The following LINGO2 variants were observed in gnomAD, a reference collection of about 807,000 sequenced individuals.
LINGO2 encodes the protein leucine rich repeat and Ig domain containing 2.
In LINGO2, 14 loss-of-function variants were observed where a neutral mutation model predicts 30.6. That is an observed-to-expected ratio of 0.46 (90% CI 0.30 to 0.72). The LOEUF is 0.72. Ranked by LOEUF, LINGO2 falls within the 30% of genes least tolerant of loss-of-function variation. The pLI is 0.07. For synonymous variants in LINGO2, 317 were observed against 288.5 expected (o/e 1.10, Z -1.00); for missense variants, 729 against 751.7 (o/e 0.97, Z 0.35).
At chr9:28,444,064 C>T (rs1824308696) in intron 2 of LINGO2, among the ~76,000 whole-genome samples, 1 of 152,178 alleles carries the variant, frequency 6.6e-6, no homozygotes, top group African/African-American at 2.4e-5. Flanking sequence ...AAGCTACCAA[C>T]TTTGGGTGTC....
chr9:28,282,589 T>G (rs575329368), intron 4 of LINGO2, among the ~76,000 whole-genome samples: 2 of 152,126 alleles, frequency 1.3e-5, no homozygotes, highest in Non-Finnish European at 2.9e-5. Flanking sequence ...AAAAGTATCA[T>G]AAGTTATCTT....
the LINGO2 span, among the ~76,000 whole-genome samples, chr9:28,959,446 A>G: frequency 6.6e-6 from 1 of 152,108 alleles, no homozygotes; most frequent in Admixed American, 6.6e-5. Flanking sequence ...GGAGTAAATT[A>G]AAGGAAGATG....
the LINGO2 span, among the ~76,000 whole-genome samples, chr9:29,189,453 G>T: frequency 4.6e-5 from 7 of 151,692 alleles, no homozygotes; most frequent in African/African-American, 1.7e-4. Flanking sequence ...CCTCCCAGAC[G>T]GGGTCGCGCC....
the LINGO2 span, among the ~76,000 whole-genome samples, chr9:28,997,822 C>CAA: frequency 7.0e-4 from 104 of 147,866 alleles, no homozygotes; most frequent in Middle Eastern, 3.5e-3. Flanking sequence ...GACTCTGTCT[C>CAA]AAAAAAAAAC....
At chr9:28,191,182 G>A (rs1383319638) in intron 4 of LINGO2, among the ~76,000 whole-genome samples, 1 of 152,098 alleles carries the variant, frequency 6.6e-6, no homozygotes, top group Non-Finnish European at 1.5e-5. Context: ...AGGCAAGCTG[G>A]GCTTTCTGAC....
At chr9:28,628,837 G>A (rs898631119) in intron 1 of LINGO2, among the ~76,000 whole-genome samples, 6 of 152,028 alleles carry the variant, frequency 3.9e-5, no homozygotes, top group African/African-American at 1.2e-4. Flanking sequence ...TGTACTAATA[G>A]CTGAAAGTGT....
the LINGO2 span, among the ~76,000 whole-genome samples, chr9:28,975,776 T>A: frequency 2.0e-5 from 3 of 152,200 alleles, no homozygotes; most frequent in Non-Finnish European, 1.5e-5. Flanking sequence ...CACAAATTGA[T>A]AATCTAAAGA....
the LINGO2 span, among the ~76,000 whole-genome samples, chr9:29,147,011 C>A: frequency 1.4e-4 from 22 of 152,128 alleles, no homozygotes; most frequent in African/African-American, 4.3e-4. Flanking sequence ...ATAATTTTCA[C>A]GTTAAACACG....
the LINGO2 span, among the ~76,000 whole-genome samples, chr9:28,698,656 A>ACAAT: frequency 6.6e-6 from 1 of 151,886 alleles, no homozygotes; most frequent in Non-Finnish European, 1.5e-5. Flanking sequence ...GAGGACTTTC[A>ACAAT]GGTTAGTTTC....
chr9:28,560,819 A>C (rs886398459), intron 1 of LINGO2, among the ~76,000 whole-genome samples: 14 of 151,858 alleles, frequency 9.2e-5, no homozygotes, highest in African/African-American at 3.1e-4. Flanking sequence ...GGTGCACACC[A>C]CCATGCTTGG....
chr9:28,673,467 G>A (rs907753919), upstream of LINGO2, among the ~76,000 whole-genome samples: 1 of 152,074 alleles, frequency 6.6e-6, no homozygotes, highest in African/African-American at 2.4e-5. Flanking sequence ...AGCAGTTTGA[G>A]ACCAGCCTGG....
At chr9:28,934,615 G>A in the LINGO2 span, among the ~76,000 whole-genome samples, 1 of 152,076 alleles carries the variant, frequency 6.6e-6, no homozygotes, top group East Asian at 1.9e-4. Context: ...CTATTTGGTA[G>A]GTCAATGTAC....
chr9:28,619,909 G>T (rs1049694601), intron 1 of LINGO2, among the ~76,000 whole-genome samples: 1 of 151,380 alleles, frequency 6.6e-6, no homozygotes, highest in Admixed American at 6.6e-5. Context: ...CCATAAATTG[G>T]CAACAAAAAC....
chr9:28,273,141 A>T (rs1236995670), intron 4 of LINGO2, among the ~76,000 whole-genome samples: 1 of 152,236 alleles, frequency 6.6e-6, no homozygotes, highest in Non-Finnish European at 1.5e-5. Flanking sequence ...AAAACCACAT[A>T]GTTCCTCATA....
chr9:28,361,400 C>T (rs1820437711), intron 3 of LINGO2, among the ~76,000 whole-genome samples: 1 of 152,150 alleles, frequency 6.6e-6, no homozygotes, highest in Admixed American at 6.6e-5. Flanking sequence ...GGTCTTAGAA[C>T]ACATCTCTTG....
chr9:28,179,938 T>C lies in LINGO2; in HGVS notation c.-87+115270A>G, dbSNP rs1564022679. ...TCAAATAATTCTTCAGATAAACCTC[T>C]GAAGTGAATTATCTGTTTTCCTCTT... On this transcript the variant is annotated intron_variant, in intron 4 of 5. Transcript: ENST00000379992. Among the ~76,000 whole-genome samples the C allele has an allele frequency of 2.0e-5, 3 of 152,166 alleles. No homozygotes were observed. The East Asian group carries it at 5.8e-4, about 29-fold the overall frequency.
intron 3 of LINGO2, among the ~76,000 whole-genome samples, chr9:28,360,114 A>G (rs2134501325): frequency 6.6e-6 from 1 of 152,346 alleles, no homozygotes; most frequent in South Asian, 2.1e-4. Context: ...AATTCTTAGT[A>G]TATGGTATGA....
chr9:28,630,926 A>G (rs1016849337), intron 1 of LINGO2, among the ~76,000 whole-genome samples: 10 of 151,822 alleles, frequency 6.6e-5, no homozygotes, highest in Non-Finnish European at 1.0e-4. Flanking sequence ...AGAGCATAAA[A>G]TATTCACCCC....
the LINGO2 span, among the ~76,000 whole-genome samples, chr9:28,880,218 AAGAG>A: frequency 1.8e-4 from 27 of 152,142 alleles, no homozygotes; most frequent in Admixed American, 1.5e-3. Context: ...AGGGAAAAGA[AAGAG>A]AGATCTGACT....
Sources: allele counts gnomAD v4.1 joint callset (sites outside exome capture counted in the v4.1 genomes callset), GRCh38; gene constraint gnomAD v4.1.1; transcripts MANE v1.5; gene names NCBI Gene and HGNC (gene_info 2026-07-23, HGNC 2026-07-21).